HECW2: variants seen among roughly 807,000 people sequenced by gnomAD.
HECW2 encodes the protein HECT, C2 and WW domain containing E3 ubiquitin protein ligase 2.
Under a neutral mutation model 175.2 loss-of-function variants are expected in HECW2, and 61 were observed. The ratio of observed to expected loss-of-function variants is 0.35; its 90% CI spans 0.28 to 0.43. HECW2 has a LOEUF of 0.43. HECW2 is among the 20% of genes least tolerant of loss of function. HECW2 has a pLI of 1.00. For missense variants in HECW2, 1,524 were observed against 2,000.5 expected (o/e 0.76, Z 4.54); for synonymous variants, 671 against 731.0 (o/e 0.92, Z 1.32).
rs773413945 is a variant in HECW2 at position 196,319,882 on chromosome 2, G to T, written c.1008C>A (p.Gly336=). Reference sequence around the variant, plus strand: ...TCACAGAATTGACTCCAAGTATTGTGCCAACAGCTTCTGGAGAGGCATCTG... The same window carrying T: ...TCACAGAATTGACTCCAAGTATTGTTCCAACAGCTTCTGGAGAGGCATCTG... ...VHEDASPEAV[G]TILGVNSVNG... Residue 336 remains glycine (G), a synonymous_variant, in exon 9 of 29, where the codon GGC becomes GGA. Coordinates refer to ENST00000644978, the MANE Select transcript of HECW2 (RefSeq NM_001348768.2). 1 of 1,605,114 alleles carries T rather than the reference G, an allele frequency of 6.2e-7. No individual in the cohort carries two copies. Among genetic ancestry groups the T allele is most frequent in the East Asian group, 2.2e-5 (1 of 44,646 alleles).
At chr2:196,295,350 T>A (rs1028728880) in intron 13 of HECW2, among the ~76,000 whole-genome samples, 4 of 152,226 alleles carry the variant, frequency 2.6e-5, no homozygotes, top group Admixed American at 1.3e-4. Context: ...GACTCTGCTT[T>A]GAGTTTTAAA....
intron 1 of HECW2, among the ~76,000 whole-genome samples, chr2:196,516,614 A>C (rs1688158384): frequency 6.6e-6 from 1 of 152,244 alleles, no homozygotes; most frequent in African/African-American, 2.4e-5. Context: ...ATCGGGAATT[A>C]AAATTTAATA....
intron 1 of HECW2, among the ~76,000 whole-genome samples, chr2:196,526,846 C>T (rs1688673495): frequency 6.6e-6 from 1 of 152,032 alleles, no homozygotes; most frequent in Admixed American, 6.6e-5. Context: ...CTCAGATCTC[C>T]AGCTGCGTGC....
At chr2:196,230,085 A>G (rs1007149539) in intron 21 of HECW2, among the ~76,000 whole-genome samples, 12 of 152,182 alleles carry the variant, frequency 7.9e-5, no homozygotes, top group African/African-American at 2.4e-4. Context: ...AGGTGACACA[A>G]TGGACCTGCC....
intron 2 of HECW2, among the ~76,000 whole-genome samples, chr2:196,366,320 CT>C (rs1364745674): frequency 2.0e-5 from 3 of 152,148 alleles, no homozygotes; most frequent in African/African-American, 7.2e-5. Flanking sequence ...TATTAATATG[CT>C]TTGGAAGAGA....
intron 1 of HECW2, among the ~76,000 whole-genome samples, chr2:196,546,195 G>A (rs1472834136): frequency 1.3e-5 from 2 of 152,154 alleles, no homozygotes; most frequent in Non-Finnish European, 2.9e-5. Context: ...CACAAATCCT[G>A]TCTGTGGTTA....
intron 14 of HECW2, among the ~76,000 whole-genome samples, chr2:196,282,989 G>A (rs1690243298): frequency 6.6e-6 from 1 of 152,020 alleles, no homozygotes; most frequent in Non-Finnish European, 1.5e-5. Context: ...GGCTAGGTGT[G>A]GTGGCTCACA....
At chr2:196,427,001 G>C (rs1695566945) in intron 2 of HECW2, among the ~76,000 whole-genome samples, 1 of 152,102 alleles carries the variant, frequency 6.6e-6, no homozygotes, top group African/African-American at 2.4e-5. Context: ...CACTTTTGAA[G>C]ACATAATCAA....
intron 2 of HECW2, among the ~76,000 whole-genome samples, chr2:196,398,122 G>A (rs1035921759): frequency 1.1e-4 from 7 of 61,404 alleles, no homozygotes; most frequent in Admixed American, 4.1e-4. Context: ...GGGTTTGTGG[G>A]TGGGTGGGGG....
At chr2:196,408,653 T>C (rs1528400) in intron 2 of HECW2, among the ~76,000 whole-genome samples, 139,471 of 152,124 alleles carry the variant, frequency 0.92, 64,452 homozygotes, top group East Asian at 1. Flanking sequence ...AAAGTAGAAG[T>C]AGAAACTTTA....
intron 28 of HECW2, among the ~76,000 whole-genome samples, chr2:196,205,824 T>C (rs1687047179): frequency 6.6e-6 from 1 of 152,148 alleles, no homozygotes; most frequent in East Asian, 1.9e-4. Flanking sequence ...ATCAAGTGGA[T>C]TAGCAACATG....
intron 2 of HECW2, among the ~76,000 whole-genome samples, chr2:196,431,325 T>C (rs1366152893): frequency 3.3e-5 from 5 of 152,214 alleles, no homozygotes; most frequent in African/African-American, 4.8e-5. Context: ...CCTTAGTTCC[T>C]TCCTGATTAA....
intron 19 of HECW2, among the ~76,000 whole-genome samples, chr2:196,245,392 A>G (rs1688609579): frequency 6.6e-6 from 1 of 152,320 alleles, no homozygotes; most frequent in Non-Finnish European, 1.5e-5. Flanking sequence ...GATTTGAGCC[A>G]AGTCTATCTA....
chr2:196,490,938 T>C (rs1420334991), intron 1 of HECW2, among the ~76,000 whole-genome samples: 1 of 152,180 alleles, frequency 6.6e-6, no homozygotes. Context: ...GATTCGTAGT[T>C]GTTTGGGACT....
chr2:196,279,985 T>A (rs1454314321), intron 14 of HECW2, among the ~76,000 whole-genome samples: 1 of 152,240 alleles, frequency 6.6e-6, no homozygotes, highest in Admixed American at 6.5e-5. Context: ...CATTTTTTGG[T>A]CTGTTTGTTT....
intron 1 of HECW2, among the ~76,000 whole-genome samples, chr2:196,567,070 T>C (rs1413443485): frequency 3.3e-5 from 5 of 152,158 alleles, no homozygotes; most frequent in Non-Finnish European, 7.4e-5. Flanking sequence ...GATTAAATTC[T>C]CACTGATGAA....
chr2:196,379,053 A>C (rs1168673473), intron 2 of HECW2, among the ~76,000 whole-genome samples: 2 of 150,750 alleles, frequency 1.3e-5, no homozygotes, highest in African/African-American at 5.0e-5. Context: ...AGTCAGTGGA[A>C]CAAGTTAAAA....
Position 196,242,125 on chromosome 2 carries a change from C to G in HECW2, c.3609G>C (p.Lys1203Asn). Residue 1203 changes from lysine to asparagine, a missense_variant, in exon 20 of 29, where the codon AAG (lysine) becomes AAC (asparagine). Coordinates refer to ENST00000644978, the MANE Select transcript of HECW2 (RefSeq NM_001348768.2). ...CTTGTCCATATCCTTTAGTCTCTAA[C>G]TTCCTGTAAAAGTTCCTCAGTTTGG... ...FEAKLRNFYR[K>N]LETKGYGQGP... The G allele has an allele frequency of 6.2e-7, 1 of 1,614,192 alleles. No individual in the cohort carries two copies. The highest frequency in any genetic ancestry group is 1.1e-5 in the South Asian group (1 of 91,078).
intron 1 of HECW2, among the ~76,000 whole-genome samples, chr2:196,551,981 A>G (rs1011507257): frequency 1.4e-4 from 21 of 152,170 alleles, no homozygotes; most frequent in African/African-American, 4.3e-4. Flanking sequence ...CTTCATGACA[A>G]CATACCATCC....
Sources: allele counts gnomAD v4.1 joint callset (sites outside exome capture counted in the v4.1 genomes callset), GRCh38; gene constraint gnomAD v4.1.1; transcripts MANE v1.5; gene names NCBI Gene and HGNC (gene_info 2026-07-23, HGNC 2026-07-21).